Variants in SPDYE10 observed in about 807,000 individuals in gnomAD.
The protein encoded by SPDYE10 is speedy protein E10.
At chr7:73,134,565 G>GAAAGAAAGAAAGAAAGA in the SPDYE10 span, among the ~76,000 whole-genome samples, 4 of 152,136 alleles carry the variant, frequency 2.6e-5, no homozygotes, top group Non-Finnish European at 5.9e-5. Context: ...AAGAAAGAAA[G>GAAAGAAAGAAAGAAAGA]AAACCGTGCA....
At chr7:73,114,534 A>ATT in the SPDYE10 span, among the ~76,000 whole-genome samples, 264 of 134,522 alleles carry the variant, frequency 2.0e-3, no homozygotes, top group African/African-American at 6.3e-3. Flanking sequence ...TTTAAGCCCT[A>ATT]TTTTTTTTTT....
At chr7:73,127,639 A>T in the SPDYE10 span, among the ~76,000 whole-genome samples, 5 of 45,852 alleles carry the variant, frequency 1.1e-4, no homozygotes, top group African/African-American at 2.1e-4. Flanking sequence ...GAAGACAATT[A>T]AAAAAAAAAA....
chr7:73,114,529 G>A, the SPDYE10 span, among the ~76,000 whole-genome samples: 8,604 of 147,042 alleles, frequency 0.059, 3 homozygotes, highest in African/African-American at 0.2. Context: ...CCCGATTTAA[G>A]CCCTATTTTT....
At chr7:73,114,014 T>G in the SPDYE10 span, among the ~76,000 whole-genome samples, 1 of 106,688 alleles carries the variant, frequency 9.4e-6, no homozygotes, top group African/African-American at 3.9e-5. Flanking sequence ...GCTATAAGAG[T>G]GAGACTCCGT....
chr7:73,132,546 CAAAAAAA>C, the SPDYE10 span, among the ~76,000 whole-genome samples: 3 of 59,458 alleles, frequency 5.0e-5, no homozygotes, highest in African/African-American at 1.8e-4. Context: ...GACCCTGTCT[CAAAAAAA>C]AAAAAAAAAA....
At chr7:73,137,993 C>A in the SPDYE10 span, among the ~76,000 whole-genome samples, 2 of 150,244 alleles carry the variant, frequency 1.3e-5, no homozygotes, top group African/African-American at 4.9e-5. Context: ...ATACCAGCAG[C>A]AGCCCTTGAG....
chr7:73,134,537 A>AAAGAAAGAAAGAAAGAAAGAAAGAAAG, the SPDYE10 span, among the ~76,000 whole-genome samples: 17 of 139,526 alleles, frequency 1.2e-4, no homozygotes, highest in African/African-American at 4.6e-4. Context: ...GAAAGAAAGA[A>AAAGAAAGAAAGAAAGAAAGAAAGAAAG]AAAGAAAGAA....
the SPDYE10 span, among the ~76,000 whole-genome samples, chr7:73,113,623 G>T: frequency 6.6e-6 from 1 of 151,416 alleles, no homozygotes. Flanking sequence ...GCCAGGCACA[G>T]TGGCTCACGC....
At chr7:73,153,676 GGGA>G in the SPDYE10 span, among the ~76,000 whole-genome samples, 1 of 75,894 alleles carries the variant, frequency 1.3e-5, no homozygotes, top group Non-Finnish European at 2.5e-5. Context: ...AAGCTGGGGT[GGGA>G]GGATCTTTTA....
the SPDYE10 span, among the ~76,000 whole-genome samples, chr7:73,137,598 G>GA: frequency 5.0e-5 from 1 of 19,946 alleles, no homozygotes; most frequent in South Asian, 1.3e-3. Context: ...AGAGATGAAA[G>GA]AAAGAAAGAA....
At chr7:73,134,690 C>T in the SPDYE10 span, among the ~76,000 whole-genome samples, 7 of 152,332 alleles carry the variant, frequency 4.6e-5, no homozygotes, top group Non-Finnish European at 7.3e-5. Flanking sequence ...GGCGAAACCC[C>T]GTCTCTACTA....
the SPDYE10 span, among the ~76,000 whole-genome samples, chr7:73,128,242 A>G: frequency 6.7e-6 from 1 of 148,560 alleles, no homozygotes; most frequent in South Asian, 2.1e-4. Context: ...AAGGATACAT[A>G]CAATATGATA....
the SPDYE10 span, among the ~76,000 whole-genome samples, chr7:73,123,517 A>G: frequency 6.6e-6 from 1 of 152,340 alleles, no homozygotes; most frequent in East Asian, 1.9e-4. Context: ...CCCAAGCTGG[A>G]GTGCAGTGGT....
the SPDYE10 span, among the ~76,000 whole-genome samples, chr7:73,116,887 T>C: frequency 1.3e-5 from 2 of 150,284 alleles, no homozygotes; most frequent in Admixed American, 1.3e-4. Context: ...AGCCTCAGCC[T>C]AACAGATTTG....
chr7:73,149,448 C>T, the SPDYE10 span, among the ~76,000 whole-genome samples: 5 of 141,922 alleles, frequency 3.5e-5, no homozygotes, highest in Non-Finnish European at 6.2e-5. Context: ...TCACCATGCC[C>T]GGCTAATTTT....
the SPDYE10 span, among the ~76,000 whole-genome samples, chr7:73,130,582 G>A: frequency 2.0e-5 from 3 of 152,308 alleles, no homozygotes; most frequent in African/African-American, 7.2e-5. Flanking sequence ...AGCCTCCTGA[G>A]TAGCTGGGAT....
the SPDYE10 span, among the ~76,000 whole-genome samples, chr7:73,143,034 A>T: frequency 7.6e-6 from 1 of 131,854 alleles, no homozygotes. Context: ...AAGGAAGGAA[A>T]GAAGGAAGGA....
chr7:73,137,618 GAAAGAAA>G, the SPDYE10 span, among the ~76,000 whole-genome samples: 1 of 141,348 alleles, frequency 7.1e-6, no homozygotes, highest in African/African-American at 2.7e-5. Context: ...AAGAAAGAAA[GAAAGAAA>G]GAAAGAAAGA....
chr7:73,123,601 G>A, the SPDYE10 span, among the ~76,000 whole-genome samples: 1 of 152,162 alleles, frequency 6.6e-6, no homozygotes, highest in Admixed American at 6.5e-5. Flanking sequence ...TGGGATTACA[G>A]GCATGTGCCA....
Sources: allele counts gnomAD v4.1 joint callset (sites outside exome capture counted in the v4.1 genomes callset), GRCh38; gene constraint gnomAD v4.1.1; transcripts MANE v1.5; gene names NCBI Gene and HGNC (gene_info 2026-07-23, HGNC 2026-07-21).